PLA2R1: variants seen among roughly 807,000 people sequenced by gnomAD.
PLA2R1 encodes the protein phospholipase A2 receptor 1.
PLA2R1 carries 158 observed loss-of-function variants against 195.9 expected under a neutral mutation model. That is an observed-to-expected ratio of 0.81 (90% CI 0.71 to 0.92). The LOEUF is 0.92. Among genes scored for constraint, PLA2R1 ranks in the 40% least tolerant of loss-of-function variants. PLA2R1 has a pLI of 0.00. For synonymous variants in PLA2R1, 586 were observed against 598.2 expected (o/e 0.98, Z 0.30); for missense variants, 1,626 against 1,764.6 (o/e 0.92, Z 1.41).
intron 9 of PLA2R1, 132 bp downstream of exon 9, chr2:160,016,482 C>CGAGGAGAGAGAGAGAGATGAAAGA (rs1692769763): frequency 5.1e-6 from 3 of 582,840 alleles, no homozygotes; most frequent in East Asian, 5.8e-5. Context: ...GGGGGGGGTG[C>CGAGGAGAGAGAGAGAGATGAAAGA]GAGGAGAGAG....
At chr2:159,986,316 CAAATCTG>C (rs1222253763) in intron 12 of PLA2R1, among the ~76,000 whole-genome samples, 1 of 152,076 alleles carries the variant, frequency 6.6e-6, no homozygotes, top group Non-Finnish European at 1.5e-5. Flanking sequence ...TTAAAAAAAA[CAAATCTG>C]AAATCTAAAG....
chr2:159,925,024 C>A, the PLA2R1 span, among the ~76,000 whole-genome samples: 2 of 152,142 alleles, frequency 1.3e-5, no homozygotes, highest in Non-Finnish European at 2.9e-5. Flanking sequence ...TTCCTCAACA[C>A]TTTGATATGT....
At chr2:159,944,560 C>A (rs1430443357) in intron 28 of PLA2R1, among the ~76,000 whole-genome samples, 1 of 152,038 alleles carries the variant, frequency 6.6e-6, no homozygotes, top group Admixed American at 6.6e-5. Context: ...CAAACATAAA[C>A]CTTAAAAATT....
chr2:159,987,144 C>A lies in PLA2R1; in HGVS notation c.2037+12G>T, dbSNP rs1370641373. On this transcript the variant is annotated intron_variant, in intron 12 of 29. Transcript: ENST00000283243. ...GGTCCTGTTAAGAATGTCCATGTAACCTTGGTATCACCTTGAAGCAACTGG... is the reference window on the plus strand; with the variant it reads ...GGTCCTGTTAAGAATGTCCATGTAAACTTGGTATCACCTTGAAGCAACTGG... The A allele has an allele frequency of 1.9e-6, 3 of 1,593,472 alleles. No individual in the cohort carries two copies. The highest frequency in any genetic ancestry group is 1.3e-5 in the African/African-American group (1 of 74,540).
chr2:160,011,731 C>T (rs1198653311), intron 10 of PLA2R1, among the ~76,000 whole-genome samples: 2 of 152,194 alleles, frequency 1.3e-5, no homozygotes, highest in African/African-American at 2.4e-5. Flanking sequence ...TGGGGGACTT[C>T]CAACCCAAGG....
Position 160,028,331 on chromosome 2 carries a change from T to C in PLA2R1, c.986A>G (p.His329Arg). The C allele has an allele frequency of 6.2e-7, 1 of 1,609,256 alleles. No homozygotes were observed. The highest frequency in any genetic ancestry group is 8.5e-7 in the Non-Finnish European group (1 of 1,176,912). Residue 329 changes from histidine to arginine, a missense_variant, in exon 6 of 30, where the codon CAC (histidine) becomes CGC (arginine). Physicochemically the swap from His to Arg is conservative, Grantham distance 29 (BLOSUM62 0). Coordinates refer to ENST00000283243, the MANE Select transcript of PLA2R1 (RefSeq NM_007366.5). ...CATAAATGAACTAAATGTTCCACAG[T>C]GATCTTCAACAAATGGCTCAAAATT... ...EVNFEPFVED[H>R]CGTFSSFMPS... is the part of the protein sequence containing the mutation.
chr2:160,039,790 A>G (rs952463097), intron 3 of PLA2R1, among the ~76,000 whole-genome samples: 1 of 152,038 alleles, frequency 6.6e-6, no homozygotes, highest in Non-Finnish European at 1.5e-5. Flanking sequence ...GCTGTCAAGC[A>G]GAGGAAGCTT....
At chr2:160,046,975 T>A (rs993644764) in intron 1 of PLA2R1, among the ~76,000 whole-genome samples, 2 of 152,218 alleles carry the variant, frequency 1.3e-5, no homozygotes, top group Non-Finnish European at 2.9e-5. Context: ...CTAGCTAACC[T>A]AGAGTTCATT....
chr2:159,934,107 G>A lies in PLA2R1; in HGVS notation c.*7671C>T, dbSNP rs1686699896. ...TATCTTGATAATCACTACAGTCAAA[G>A]TTTCTTATAAATGTTGGCAATAAGA... is the stretch of plus-strand genomic sequence containing the variant. On this transcript the variant is annotated 3_prime_UTR_variant, in exon 30 of 30. Coordinates refer to ENST00000283243, the MANE Select transcript of PLA2R1 (RefSeq NM_007366.5). 1 of 152,184 alleles carries A rather than the reference G, an allele frequency of 6.6e-6. No individual in the cohort carries two copies. Among genetic ancestry groups the A allele is most frequent in the African/African-American group, 2.4e-5 (1 of 41,456 alleles). 9.4% of individuals were successfully genotyped at this position (152,184 alleles called of 1,614,324 possible).
At chr2:160,024,289 C>A (rs1002293993) in intron 6 of PLA2R1, among the ~76,000 whole-genome samples, 1 of 152,190 alleles carries the variant, frequency 6.6e-6, no homozygotes, top group Non-Finnish European at 1.5e-5. Context: ...CATCCCCATG[C>A]CAAGCTGCTG....
chr2:160,023,080 T>G (rs1693248125), intron 6 of PLA2R1, among the ~76,000 whole-genome samples: 1 of 152,134 alleles, frequency 6.6e-6, no homozygotes, highest in South Asian at 2.1e-4. Context: ...AGTATTTCAT[T>G]TTCCGGATGA....
intron 11 of PLA2R1, among the ~76,000 whole-genome samples, chr2:160,004,573 C>T (rs937336253): frequency 2.0e-5 from 3 of 152,112 alleles, no homozygotes; most frequent in South Asian, 4.1e-4. Context: ...TAAAGAGCTC[C>T]GGGCCTTCAG....
In PLA2R1 at chr2:159,951,361, C is replaced by T; in HGVS notation, c.3519G>A (p.Trp1173Ter). The change falls in exon 24 of 30, where the codon TGG becomes TGA. Residue 1173 changes from tryptophan (W) to a stop codon, truncating the protein, a stop_gained. Coordinates refer to ENST00000283243, the MANE Select transcript of PLA2R1 (RefSeq NM_007366.5). LOFTEE classifies it high-confidence loss of function. ...CTACATCTGTGGTGAACAGTCCAAT[C>T]CAGTGGGCATATCCTAGCCGGTTGA... ...VVLNRLGYAH[W>*]IGLFTTDNGL... is the part of the protein sequence containing the mutation. 6.2e-7 allele frequency: 1 copy of T among 1,607,152 alleles called. No homozygotes were observed. The highest frequency in any genetic ancestry group is 8.5e-7 in the Non-Finnish European group (1 of 1,173,752).
At chr2:160,032,887 T>C (rs991665112) in intron 4 of PLA2R1, 72 bp downstream of exon 4, 3 of 1,094,302 alleles carry the variant, frequency 2.7e-6, no homozygotes, top group Non-Finnish European at 1.3e-6. Context: ...GAATATATTT[T>C]TGTATATGTG....
chr2:159,987,263 T>C lies in PLA2R1; in HGVS notation c.1930A>G (p.Lys644Glu), dbSNP rs745546749. 3.7e-6 allele frequency: 6 copies of C among 1,613,428 alleles called. No individual in the cohort carries two copies. The East Asian group carries it at 6.7e-5, about 18-fold the overall frequency. Residue 644 changes from lysine to glutamate, a missense_variant, in exon 12 of 30, where the codon AAG becomes GAG. Lys to Glu is a moderately conservative substitution (Grantham distance 56, BLOSUM62 1). Transcript: ENST00000283243. Reference protein sequence around the residue: ...CRHFKAMSLCKQPVENQEKAE... With the variant: ...CRHFKAMSLCEQPVENQEKAE... ...TTTTCCTGATTTTCAACTGGCTGCT[T>C]GCACAAGGACATTGCCTTAAAGTGC...
chr2:159,989,259 T>C (rs752189376), intron 11 of PLA2R1, among the ~76,000 whole-genome samples: 18 of 152,150 alleles, frequency 1.2e-4, no homozygotes, highest in Non-Finnish European at 2.1e-4. Context: ...TGCAGGCCTG[T>C]TGAATAATTT....
chr2:160,045,113 T>C lies in PLA2R1; in HGVS notation c.154A>G (p.Ile52Val), dbSNP rs756626958. ...GTCAGAACCGATTTACCTGCTTGAA[T>C]GCATTTCTTGAGACTCTCACTTTGG... ...VIQSESLKKC[I>V]QAGKSVLTLE... The change falls in exon 2 of 30, where the codon ATT (isoleucine) becomes GTT (valine). Residue 52 changes from isoleucine to valine, a missense_variant. Coordinates refer to ENST00000283243, the MANE Select transcript of PLA2R1 (RefSeq NM_007366.5). 2 of 1,610,894 alleles carry C rather than the reference T, an allele frequency of 1.2e-6. No homozygotes were observed. Among genetic ancestry groups the C allele is most frequent in the Non-Finnish European group, 8.5e-7 (1 of 1,177,304 alleles).
At position 160,022,830 on chromosome 2, in the gene PLA2R1, G is replaced by A. The variant is rs1291825683; in HGVS notation, c.1129C>T (p.His377Tyr). The change falls in exon 7 of 30, where the codon CAC becomes TAC. Residue 377 changes from histidine (H) to tyrosine (Y), a missense_variant. By Grantham distance (83) the His-to-Tyr change is moderately conservative (BLOSUM62 2). Coordinates refer to ENST00000283243, the MANE Select transcript of PLA2R1 (RefSeq NM_007366.5). ...TAGGGATTCCAGCCAGGCTCACAGTGGGTAGCATAATATTTCCACGCATCT... is the reference window on the plus strand; with the variant it reads ...TAGGGATTCCAGCCAGGCTCACAGTAGGTAGCATAATATTTCCACGCATCT... The part of the protein sequence containing the change: ...EKDAWKYYAT[H>Y]CEPGWNPYNR... 10 of 1,604,240 alleles carry A rather than the reference G, an allele frequency of 6.2e-6. No homozygotes were observed. The highest frequency in any genetic ancestry group is 7.6e-6 in the Non-Finnish European group (9 of 1,176,632).
At chr2:159,987,443 T>C (rs893091588) in intron 11 of PLA2R1, 85 bp from the exon 12 acceptor site, 4 of 921,738 alleles carry the variant, frequency 4.3e-6, no homozygotes, top group African/African-American at 3.3e-5. Context: ...TGTTGAATAA[T>C]TGACATCTCA....
Sources: gnomAD v4.1 joint callset for allele counts (sites outside exome capture counted in the v4.1 genomes callset) on GRCh38, gnomAD v4.1.1 for gene constraint, MANE v1.5 for transcripts, NCBI Gene and HGNC (gene_info 2026-07-23, HGNC 2026-07-21) for gene names.